Variants in ROBO2 observed in about 807,000 individuals in gnomAD.
ROBO2 encodes the protein roundabout homolog 2.
Under a neutral mutation model 160.8 loss-of-function variants are expected in ROBO2, and 53 were observed. The ratio of observed to expected loss-of-function variants is 0.33; its 90% CI spans 0.26 to 0.41. ROBO2 has a LOEUF of 0.41. Ranked by LOEUF, ROBO2 falls within the 10% of genes least tolerant of loss-of-function variation. The pLI, the probability that ROBO2 is intolerant of heterozygous loss-of-function variation, is 1.00. For synonymous variants in ROBO2, 664 were observed against 611.7 expected, an observed-to-expected ratio of 1.09 and a Z score of -1.26; for missense variants, 1,577 against 1,722.4, an observed-to-expected ratio of 0.92 and a Z score of 1.49.
At chr3:76,007,722 C>A (rs1029346710) in intron 2 of ROBO2, among the ~76,000 whole-genome samples, 6 of 151,836 alleles carry the variant, frequency 4.0e-5, no homozygotes. Context: ...TAATGGAAGC[C>A]AAGTTTCATA....
At chr3:76,157,106 T>A (rs1257258865) in intron 2 of ROBO2, among the ~76,000 whole-genome samples, 2 of 152,228 alleles carry the variant, frequency 1.3e-5, no homozygotes, top group Non-Finnish European at 2.9e-5. Flanking sequence ...GAATGGTCAT[T>A]TTTCCTGGCT....
chr3:76,345,072 T>C (rs887163411), intron 2 of ROBO2, among the ~76,000 whole-genome samples: 2 of 152,124 alleles, frequency 1.3e-5, no homozygotes, highest in Non-Finnish European at 2.9e-5. Flanking sequence ...CCTTTTGTGA[T>C]GATGGTTTAA....
chr3:77,128,870 T>TCCA (rs2075590289), intron 2 of ROBO2, among the ~76,000 whole-genome samples: 1 of 152,196 alleles, frequency 6.6e-6, no homozygotes, highest in Non-Finnish European at 1.5e-5. Flanking sequence ...ACATAAAAAT[T>TCCA]TAAACTTCCA....
intron 2 of ROBO2, among the ~76,000 whole-genome samples, chr3:77,469,196 A>G (rs1409052316): frequency 6.6e-6 from 1 of 152,222 alleles, no homozygotes; most frequent in Admixed American, 6.5e-5. Flanking sequence ...TGGCTTAAAT[A>G]TAAAAGGAAA....
intron 2 of ROBO2, among the ~76,000 whole-genome samples, chr3:77,201,432 G>A (rs562644479): frequency 6.6e-6 from 1 of 152,202 alleles, no homozygotes; most frequent in African/African-American, 2.4e-5. Context: ...AACAATTACA[G>A]TTTAATTTTT....
At chr3:76,776,495 G>C (rs2062272559) in intron 2 of ROBO2, among the ~76,000 whole-genome samples, 1 of 150,832 alleles carries the variant, frequency 6.6e-6, no homozygotes, top group African/African-American at 2.4e-5. Context: ...GTAGATAGAG[G>C]AAATATTCTT....
intron 2 of ROBO2, among the ~76,000 whole-genome samples, chr3:76,811,301 C>T (rs553004649): frequency 9.2e-5 from 14 of 152,236 alleles, no homozygotes; most frequent in Middle Eastern, 6.8e-3. Context: ...AGTGAAAACA[C>T]AGAATAGTCT....
intron 1 of ROBO2, among the ~76,000 whole-genome samples, chr3:77,046,826 C>T (rs572326041): frequency 1.8e-4 from 28 of 152,304 alleles, no homozygotes; most frequent in African/African-American, 6.5e-4. Flanking sequence ...ATATTGACAA[C>T]ATAACTTGCT....
At chr3:76,934,252 A>G (rs2077540282) in intron 2 of ROBO2, among the ~76,000 whole-genome samples, 1 of 152,112 alleles carries the variant, frequency 6.6e-6, no homozygotes, top group Non-Finnish European at 1.5e-5. Flanking sequence ...TACAAAACAA[A>G]TTTTTACAAG....
chr3:76,042,643 G>A lies in ROBO2; in HGVS notation c.109+105041G>A, dbSNP rs141345090. ...AAGTGAAATCAAAGACAGGCAGCCC[G>A]GTGCCAGGCCCAAAACCAGACCCAA... On this transcript the variant is annotated intron_variant, in intron 2 of 26. Coordinates refer to the ROBO2 transcript ENST00000487694. Among the ~76,000 whole-genome samples, 282 of 152,060 alleles carry A rather than the reference G, an allele frequency of 1.9e-3. 10 individuals are homozygous for A. The highest frequency in any genetic ancestry group is 6.5e-3 in the African/African-American group (267 of 41,368).
At chr3:76,011,058 T>G (rs555722247) in intron 2 of ROBO2, among the ~76,000 whole-genome samples, 1 of 152,188 alleles carries the variant, frequency 6.6e-6, no homozygotes, top group Non-Finnish European at 1.5e-5. Context: ...TTTCAAGATA[T>G]AACCTTGAAG....
intron 6 of ROBO2, among the ~76,000 whole-genome samples, chr3:77,526,957 T>C (rs946063853): frequency 2.0e-5 from 3 of 151,474 alleles, no homozygotes; most frequent in African/African-American, 7.3e-5. Flanking sequence ...TCTGCAGTCC[T>C]TGTAATGGTT....
At chr3:77,413,252 A>T (rs1266846269) in intron 2 of ROBO2, among the ~76,000 whole-genome samples, 1 of 152,144 alleles carries the variant, frequency 6.6e-6, no homozygotes, top group East Asian at 1.9e-4. Context: ...AAAAGAAAAA[A>T]AAAGTATGTA....
chr3:76,746,236 T>G (rs941225256), intron 2 of ROBO2, among the ~76,000 whole-genome samples: 1 of 151,944 alleles, frequency 6.6e-6, no homozygotes, highest in African/African-American at 2.4e-5. Flanking sequence ...TCTATCATTG[T>G]TGGACATTTG....
chr3:76,964,428 C>T (rs1001053843), intron 2 of ROBO2, among the ~76,000 whole-genome samples: 2 of 152,020 alleles, frequency 1.3e-5, no homozygotes, highest in East Asian at 1.9e-4. Context: ...CTGCAACCTC[C>T]GCCTCCCTGG....
chr3:77,572,058 A>T (rs1163931947), intron 13 of ROBO2, among the ~76,000 whole-genome samples: 1 of 152,028 alleles, frequency 6.6e-6, no homozygotes, highest in East Asian at 1.9e-4. Context: ...AAAGTCCCTA[A>T]AACACTTAAT....
chr3:77,397,552 G>C (rs1238332580), intron 2 of ROBO2, among the ~76,000 whole-genome samples: 2 of 152,090 alleles, frequency 1.3e-5, no homozygotes, highest in Non-Finnish European at 2.9e-5. Context: ...TTCATTAAAA[G>C]ATCCTCAGTA....
At chr3:77,066,566 CA>C (rs1368579867) in intron 1 of ROBO2, among the ~76,000 whole-genome samples, 2 of 152,012 alleles carry the variant, frequency 1.3e-5, no homozygotes, top group Non-Finnish European at 2.9e-5. Flanking sequence ...TCCCAGAAAT[CA>C]TATAACAATG....
intron 5 of ROBO2, among the ~76,000 whole-genome samples, chr3:77,499,321 G>T (rs1361982617): frequency 6.6e-6 from 1 of 152,184 alleles, no homozygotes; most frequent in Non-Finnish European, 1.5e-5. Flanking sequence ...CAGCAATGTG[G>T]TAGGACTGGT....
Sources: allele counts gnomAD v4.1 joint callset (sites outside exome capture counted in the v4.1 genomes callset), GRCh38; gene constraint gnomAD v4.1.1; transcripts MANE v1.5; gene names NCBI Gene and HGNC (gene_info 2026-07-23, HGNC 2026-07-21).